IDS: variants seen among roughly 807,000 people sequenced by gnomAD.
The protein encoded by IDS is alpha-L-iduronate sulfate sulfatase.
IDS carries 1 observed loss-of-function variant against 33.5 expected under a neutral mutation model. The observed-to-expected ratio is 0.03, with a 90% CI of 0.01 to 0.14. IDS has a LOEUF of 0.14. IDS is among the 10% of genes least tolerant of loss of function. The pLI, the probability that IDS is intolerant of heterozygous loss-of-function variation, is 1.00. For synonymous variants in IDS, 191 were observed against 184.4 expected, an observed-to-expected ratio of 1.04 and a Z score of -0.29; for missense variants, 328 against 448.0, an observed-to-expected ratio of 0.73 and a Z score of 2.42.
intron 6 of IDS, among the ~76,000 whole-genome samples, chrX:149,494,699 C>T (rs782572583): frequency 6.3e-5 from 7 of 111,994 alleles, no homozygotes; most frequent in South Asian, 3.8e-4. Context: ...GAGATAGCTC[C>T]GTGCAGCCGA....
At chrX:149,484,483 A>T (rs782658807) in intron 8 of IDS, among the ~76,000 whole-genome samples, 2 of 111,927 alleles carry the variant, frequency 1.8e-5, no homozygotes, top group Non-Finnish European at 3.8e-5. Flanking sequence ...CGCCACACCC[A>T]GCTAATTTTT....
At chrX:149,487,435 C>T in intron 7 of IDS, 1 of 532,314 alleles carries the variant, frequency 1.9e-6, no homozygotes. Context: ...CCTGCTAAGA[C>T]ATGCTCATTC....
At position 149,496,334 on chromosome X, in the gene IDS, T is replaced by C; in HGVS notation, c.879+12A>G. 1 of 1,206,531 alleles carries C rather than the reference T, an allele frequency of 8.3e-7. No homozygotes were observed. The highest frequency in any genetic ancestry group is 1.1e-6 in the Non-Finnish European group (1 of 890,920). On this transcript the variant is annotated intron_variant, in intron 6 of 8. Transcript: ENST00000340855. ...CAGTGTCCAATACATCCCCAAACTA[T>C]GTCCTTGATACCTGAAAGTCCACAG...
chrX:149,485,968 A>G (rs1242869760), intron 8 of IDS, among the ~76,000 whole-genome samples: 2 of 112,328 alleles, frequency 1.8e-5, no homozygotes, highest in Non-Finnish European at 3.8e-5. Context: ...ATCAATATAC[A>G]GTACAAGATT....
intron 3 of IDS, chrX:149,502,987 G>T (rs1226208902): frequency 2.1e-6 from 1 of 482,570 alleles, no homozygotes; most frequent in African/African-American, 2.4e-5. Flanking sequence ...CCCTGCAGGG[G>T]AGAGGGTGGG....
chrX:149,487,348 TCAAATATCTTAACAAACTA>T, intron 7 of IDS: 4 of 1,049,955 alleles, frequency 3.8e-6, no homozygotes, highest in Non-Finnish European at 5.3e-6. Flanking sequence ...ATTCCCAAAC[TCAAATATCTTAACAAACTA>T]CTAGCAACAT....
chrX:149,483,552 G>A lies in IDS; in HGVS notation c.1181-334C>T, dbSNP rs180946405. Reference sequence around the variant, plus strand: ...ACCACTAGGTAAAAGAGTCTGTTGAGGAACAGGATATTCTGACTCCCACAG... The same window carrying A: ...ACCACTAGGTAAAAGAGTCTGTTGAAGAACAGGATATTCTGACTCCCACAG... On this transcript the variant is annotated intron_variant, in intron 8 of 8. Transcript: ENST00000340855. 2.5e-3 allele frequency among the ~76,000 whole-genome samples: 274 copies of A among 111,712 alleles called. 1 individual carries two copies. Among genetic ancestry groups the A allele is most frequent in the Middle Eastern group, 0.014 (3 of 218 alleles).
At chrX:149,486,830 T>C in intron 8 of IDS, 95 bp downstream of exon 8, 1 of 963,584 alleles carries the variant, frequency 1.0e-6, no homozygotes, top group South Asian at 2.0e-5. Flanking sequence ...GGGGGGTCTG[T>C]GTAACCCCCA....
In IDS at chrX:149,483,129, C is replaced by T. The variant is rs373820890; in HGVS notation, c.1270G>A (p.Val424Ile). Residue 424 changes from valine (V) to isoleucine (I), a missense_variant, in exon 9 of 9, where the codon GTT becomes ATT. Coordinates refer to ENST00000340855, the MANE Select transcript of IDS (RefSeq NM_000202.8). The part of the protein sequence containing the change: ...AGLQVPPRCP[V>I]PSFHVELCRE... ...CACAGCTCAACGTGAAATGAAGGAA[C>T]GGGGCAGCGAGGTGGAACCTGCAGT... The T allele has an allele frequency of 1.7e-5, 21 of 1,208,147 alleles. No homozygotes were observed. In the East Asian group the frequency reaches 2.1e-4, roughly 12 times the overall value.
rs1446312767 is a variant in IDS, at chrX:149,480,724, C to T, written c.*2022G>A. On this transcript the variant is annotated 3_prime_UTR_variant, in exon 9 of 9. Coordinates refer to ENST00000340855, the MANE Select transcript of IDS (RefSeq NM_000202.8). ...TGAACTCCTAACCTCAAGTGATCCGCCTGCCTGGGCCTCCCAAAGTGCTGG... is the reference window on the plus strand; with the variant it reads ...TGAACTCCTAACCTCAAGTGATCCGTCTGCCTGGGCCTCCCAAAGTGCTGG... The T allele has an allele frequency of 3.6e-5, 5 of 138,783 alleles. No homozygotes were observed. The highest frequency in any genetic ancestry group is 1.6e-4 in the African/African-American group (5 of 32,107). 11.4% of individuals were successfully genotyped at this position (138,783 alleles called of 1,213,427 possible).
rs2123995158 is a variant in IDS, at chrX:149,483,211, T to C, written c.1188A>G (p.Gln396=). 1 of 1,203,886 alleles carries C rather than the reference T, an allele frequency of 8.3e-7. No individual in the cohort carries two copies. The highest frequency in any genetic ancestry group is 1.1e-6 in the Non-Finnish European group (1 of 888,874). The part of the protein sequence containing the change: ...SASQLMEPGR[Q]SMDLVELVSL... The stretch of plus-strand genomic sequence containing the variant: ...ACACAAGTTCCACAAGGTCCATGGA[T>C]TGCCTGCCTGAAACAGGAAGCGACA... The change falls in exon 9 of 9, where the codon CAA becomes CAG. Residue 396 remains glutamine (Q), a synonymous_variant. Coordinates refer to ENST00000340855, the MANE Select transcript of IDS (RefSeq NM_000202.8).
At position 149,482,709 on chromosome X, in the gene IDS, G is replaced by A. The variant is rs192118605; in HGVS notation, c.*37C>T. The A allele has an allele frequency of 8.8e-5, 106 of 1,208,864 alleles. No homozygotes were observed. In the East Asian group the frequency reaches 3.1e-3, roughly 35 times the overall value. On this transcript the variant is annotated 3_prime_UTR_variant, in exon 9 of 9. Transcript: ENST00000340855. ...AACTCCTCCTCTCACCAGCTGGAAG[G>A]GAGCACATCACATTTGCCATCCATG... is the stretch of plus-strand genomic sequence containing the variant.
intron 8 of IDS, among the ~76,000 whole-genome samples, chrX:149,484,528 G>A (rs1048728349): frequency 8.9e-6 from 1 of 112,358 alleles, no homozygotes; most frequent in African/African-American, 3.2e-5. Context: ...CTCCTTGTTG[G>A]CCAGGATGGT....
chrX:149,503,268 C>A (rs782413275), intron 3 of IDS, 44 bp downstream of exon 3: 2 of 1,194,565 alleles, frequency 1.7e-6, no homozygotes, highest in South Asian at 3.7e-5. Flanking sequence ...TGGATTCAGA[C>A]ACCACAAACC....
In IDS at chrX:149,477,968, C is replaced by T. The variant is rs782323191; in HGVS notation, c.*4778G>A. 1 of 112,208 alleles carries T rather than the reference C, an allele frequency of 8.9e-6. No individual in the cohort carries two copies. Among genetic ancestry groups the T allele is most frequent in the South Asian group, 3.7e-4 (1 of 2,690 alleles). The allele number at this position is 112,208 out of a possible 1,213,427, so 9.2% of individuals were successfully genotyped here. The stretch of plus-strand genomic sequence containing the variant: ...GCCCCAAGGGACACCCTGGGTTCTA[C>T]TTTAATCCCAGATCCCAGGCCAGAA... On this transcript the variant is annotated 3_prime_UTR_variant, in exon 9 of 9. Coordinates refer to ENST00000340855, the MANE Select transcript of IDS (RefSeq NM_000202.8).
rs1301355922 is a variant in IDS at position 149,481,413 on chromosome X, AACAAT to A, written c.*1328_*1332del. 8.9e-6 allele frequency: 1 copy of A among 112,742 alleles called. No individual in the cohort carries two copies. Among genetic ancestry groups the A allele is most frequent in the Non-Finnish European group, 1.9e-5 (1 of 53,371 alleles). 9.3% of individuals were successfully genotyped at this position (112,742 alleles called of 1,213,427 possible). ...AATATAATATCTTGTCATTTTTGGC[AACAAT>A]ACACTGAAGTAACAATGTAGTTTGC... On this transcript the variant is annotated 3_prime_UTR_variant, in exon 9 of 9. Transcript: ENST00000340855.
chrX:149,497,090 C>T (rs2089441820), intron 5 of IDS, among the ~76,000 whole-genome samples: 1 of 111,347 alleles, frequency 9.0e-6, no homozygotes, highest in Non-Finnish European at 1.9e-5. Flanking sequence ...TAGGGAAGCT[C>T]ATTAAAGCCT....
chrX:149,488,448 G>GT (rs200707447), intron 7 of IDS, among the ~76,000 whole-genome samples: 1,391 of 110,916 alleles, frequency 0.013, 35 homozygotes, highest in African/African-American at 0.044. Context: ...CAACGTGAGG[G>GT]AACCTGGCAG....
In IDS at chrX:149,482,673, C is replaced by T. The variant is rs1421124264; in HGVS notation, c.*73G>A. 5.8e-5 allele frequency: 70 copies of T among 1,196,747 alleles called. No individual in the cohort carries two copies. The highest frequency in any genetic ancestry group is 3.3e-4 in the East Asian group (11 of 33,463). ...TCCAATATTATGGGTAATCACAAAACGACCAGCTCTAACTCCTCCTCTCAC... is the reference window on the plus strand; with the variant it reads ...TCCAATATTATGGGTAATCACAAAATGACCAGCTCTAACTCCTCCTCTCAC... On this transcript the variant is annotated 3_prime_UTR_variant, in exon 9 of 9. Coordinates refer to ENST00000340855, the MANE Select transcript of IDS (RefSeq NM_000202.8).
Sources: allele counts gnomAD v4.1 joint callset (sites outside exome capture counted in the v4.1 genomes callset), GRCh38; gene constraint gnomAD v4.1.1; transcripts MANE v1.5; gene names NCBI Gene and HGNC (gene_info 2026-07-23, HGNC 2026-07-21).